Variants in MCUB observed in about 807,000 individuals in gnomAD.
MCUB encodes the protein calcium uniporter regulatory subunit MCUb, mitochondrial.
Under a neutral mutation model 41.4 loss-of-function variants are expected in MCUB, and 46 were observed. That is an observed-to-expected ratio of 1.11 (90% CI 0.88 to 1.42). The LOEUF is 1.42. Among genes scored for constraint, MCUB ranks in the 40% most tolerant of loss-of-function variants. MCUB has a pLI of 0.00. For synonymous variants in MCUB, 148 were observed against 148.2 expected (o/e 1.00, Z 0.01); for missense variants, 403 against 404.9 (o/e 1.00, Z 0.04).
chr4:109,587,064 G>C (rs1308948545), intron 1 of MCUB, among the ~76,000 whole-genome samples: 1 of 152,218 alleles, frequency 6.6e-6, no homozygotes, highest in Non-Finnish European at 1.5e-5. Flanking sequence ...GTTCCCAGAG[G>C]TGGAGTCTAC....
intron 1 of MCUB, among the ~76,000 whole-genome samples, chr4:109,636,361 G>A (rs1455605174): frequency 2.0e-5 from 3 of 152,172 alleles, no homozygotes; most frequent in African/African-American, 7.2e-5. Flanking sequence ...TGTAGTTGAA[G>A]CAACGTGACT....
rs78765508 is a variant in MCUB, at chr4:109,575,514, A to G, written c.99+15078A>G. Among the ~76,000 whole-genome samples, 820 of 152,320 alleles carry G rather than the reference A, an allele frequency of 5.4e-3. 35 individuals are homozygous for G. The East Asian group carries it at 0.07, about 13-fold the overall frequency. On this transcript the variant is annotated intron_variant, in intron 1 of 7. Transcript: ENST00000394650. ...GACATATGAAATTCACTTTATAACG[A>G]ATCCAGCCACATTCGTTTAATTAGT...
At chr4:109,564,112 C>A (rs1726714396) in intron 1 of MCUB, among the ~76,000 whole-genome samples, 1 of 152,038 alleles carries the variant, frequency 6.6e-6, no homozygotes, top group South Asian at 2.1e-4. Context: ...TTTATTTCTG[C>A]TTATAGGCTA....
chr4:109,594,665 A>T lies in MCUB; in HGVS notation c.99+34229A>T, dbSNP rs1028254538. 2.0e-5 allele frequency among the ~76,000 whole-genome samples: 3 copies of T among 152,038 alleles called. No homozygotes were observed. In the South Asian group the frequency reaches 6.2e-4, roughly 32 times the overall value. ...CAGAATGAGACTTGTCTCAAAAAAA[A>T]AAGGAGGGAAAGGCAGCCCCCTCAA... On this transcript the variant is annotated intron_variant, in intron 1 of 7. Coordinates refer to ENST00000394650, the MANE Select transcript of MCUB (RefSeq NM_017918.5).
At chr4:109,684,723 G>A (rs576569615) in intron 6 of MCUB, 77 bp downstream of exon 6, 18 of 718,088 alleles carry the variant, frequency 2.5e-5, no homozygotes, top group African/African-American at 2.3e-4. Flanking sequence ...GAGCAAAAAA[G>A]CCTTTTTATT....
rs11310834 is a variant in MCUB at position 109,561,445 on chromosome 4, A to ATT, written c.99+1017_99+1018dup. ...ATTGATGCAGGGAATATTTAAGTGC[A>ATT]TTTTTTTTTCCTTTTCATTGAGCTT... On this transcript the variant is annotated intron_variant, in intron 1 of 7. Transcript: ENST00000394650. Among the ~76,000 whole-genome samples the ATT allele has an allele frequency of 4.2e-3, 629 of 150,560 alleles. 26 individuals carry two copies. The East Asian group carries it at 0.059, about 14-fold the overall frequency.
In MCUB at chr4:109,681,410, G is replaced by A. The variant is rs546915834; in HGVS notation, c.452-1172G>A. ...AAAAGGGTCTAAAGTTGTCTCTGGCGATCTACCTTTGTTCTTTCTGGTAGA... is the reference window on the plus strand; with the variant it reads ...AAAAGGGTCTAAAGTTGTCTCTGGCAATCTACCTTTGTTCTTTCTGGTAGA... On this transcript the variant is annotated intron_variant, in intron 4 of 7. Transcript: ENST00000394650. 1.1e-3 allele frequency: 501 copies of A among 446,766 alleles called. 4 individuals are homozygous for A. The highest frequency in any genetic ancestry group is 3.4e-3 in the South Asian group (212 of 62,782). 27.7% of individuals were successfully genotyped at this position (446,766 alleles called of 1,614,324 possible).
intron 1 of MCUB, among the ~76,000 whole-genome samples, chr4:109,602,355 T>A (rs552029600): frequency 5.3e-5 from 8 of 152,364 alleles, no homozygotes; most frequent in African/African-American, 1.9e-4. Context: ...GTCTTAAATT[T>A]AAGTCTTTAA....
At chr4:109,640,084 TAGG>T (rs1300052882) in intron 1 of MCUB, among the ~76,000 whole-genome samples, 1 of 152,122 alleles carries the variant, frequency 6.6e-6, no homozygotes, top group Non-Finnish European at 1.5e-5. Flanking sequence ...GCGGTAGAAT[TAGG>T]AGCAGTTTGT....
intron 1 of MCUB, among the ~76,000 whole-genome samples, chr4:109,625,602 T>C (rs1387005558): frequency 6.6e-6 from 1 of 152,244 alleles, no homozygotes; most frequent in Non-Finnish European, 1.5e-5. Context: ...CAGCTTATGA[T>C]ATTTTCAACT....
chr4:109,619,888 A>G (rs1728217468), intron 1 of MCUB, among the ~76,000 whole-genome samples: 1 of 152,194 alleles, frequency 6.6e-6, no homozygotes, highest in African/African-American at 2.4e-5. Context: ...CTTGTGAAGT[A>G]GGTACTGTTA....
rs866993475 is a variant in MCUB at position 109,597,404 on chromosome 4, C to T, written c.99+36968C>T. On this transcript the variant is annotated intron_variant, in intron 1 of 7. Transcript: ENST00000394650. ...CTCCCGGACGGGGCGGCTGGCCGGG[C>T]GGGGGGCTGACCCCCCCACCTCCCT... Among the ~76,000 whole-genome samples, 16 of 125,680 alleles carry T rather than the reference C, an allele frequency of 1.3e-4. No individual in the cohort carries two copies. In the East Asian group the frequency reaches 3.3e-3, roughly 26 times the overall value. The allele number at this position is 125,680 out of a possible 152,430, so 82.5% of individuals were successfully genotyped here. A position where few individuals can be genotyped will look rare whatever the true frequency, so the allele number is the denominator to read the frequency against.
chr4:109,636,740 C>T (rs1728603833), intron 1 of MCUB, among the ~76,000 whole-genome samples: 2 of 152,180 alleles, frequency 1.3e-5, no homozygotes, highest in South Asian at 4.1e-4. Context: ...GAGGCTGAGG[C>T]AGGAGAATCG....
chr4:109,580,120 A>G (rs1727135085), intron 1 of MCUB, among the ~76,000 whole-genome samples: 2 of 152,124 alleles, frequency 1.3e-5, no homozygotes, highest in South Asian at 4.1e-4. Flanking sequence ...GTGAGTGAGA[A>G]CATGCGGTGT....
At chr4:109,597,955 T>C (rs372730853) in intron 1 of MCUB, among the ~76,000 whole-genome samples, 70,097 of 136,688 alleles carry the variant, frequency 0.51, 16,334 homozygotes, top group South Asian at 0.65. Context: ...ACATCCCAGA[T>C]GGGGCGGCGG....
Position 109,603,866 on chromosome 4 carries a change from G to A in MCUB, c.99+43430G>A, listed in dbSNP as rs538533624. Among the ~76,000 whole-genome samples, 201 of 152,068 alleles carry A rather than the reference G, an allele frequency of 1.3e-3. 3 individuals are homozygous for A. The highest frequency in any genetic ancestry group is 6.3e-3 in the South Asian group (30 of 4,800). Reference sequence around the variant, plus strand: ...AAGTGAGGAGCCTCTCTGCCCGGCCGCCACCCCGTCTGGGAGGTGTACCCA... The same window carrying A: ...AAGTGAGGAGCCTCTCTGCCCGGCCACCACCCCGTCTGGGAGGTGTACCCA... On this transcript the variant is annotated intron_variant, in intron 1 of 7. Transcript: ENST00000394650.
chr4:109,660,168 A>ATTTTTTTT (rs34754720), intron 2 of MCUB, 27 bp from the exon 3 acceptor site: 11 of 1,126,316 alleles, frequency 9.8e-6, no homozygotes, highest in East Asian at 5.5e-5. Context: ...AAATTTACTC[A>ATTTTTTTT]TTTTTTTTTC....
At chr4:109,588,767 G>C (rs1442265772) in intron 1 of MCUB, among the ~76,000 whole-genome samples, 2 of 151,922 alleles carry the variant, frequency 1.3e-5, no homozygotes, top group Non-Finnish European at 2.9e-5. Flanking sequence ...AGAAGACAAG[G>C]GCCAAGTTTT....
At chr4:109,639,884 A>G (rs1320766511) in intron 1 of MCUB, among the ~76,000 whole-genome samples, 1 of 152,174 alleles carries the variant, frequency 6.6e-6, no homozygotes, top group Non-Finnish European at 1.5e-5. Flanking sequence ...ATCAGCCCCA[A>G]CACAGCGTTA....
Sources: allele counts gnomAD v4.1 joint callset (sites outside exome capture counted in the v4.1 genomes callset), GRCh38; gene constraint gnomAD v4.1.1; transcripts MANE v1.5; gene names NCBI Gene and HGNC (gene_info 2026-07-23, HGNC 2026-07-21).